IFITM10: variants seen among roughly 807,000 people sequenced by gnomAD.
IFITM10 encodes the protein interferon induced transmembrane protein 10.
A neutral mutation model predicts 19.0 loss-of-function variants in IFITM10; 17 were observed. The ratio of observed to expected loss-of-function variants is 0.90; its 90% CI spans 0.61 to 1.34. The LOEUF is 1.34. IFITM10 is among the 40% of genes most tolerant of loss of function. The pLI is 0.00. For missense variants in IFITM10, 306 were observed against 319.8 expected (o/e 0.96, Z 0.33); for synonymous variants, 148 against 147.2 (o/e 1.01, Z -0.04).
intron 2 of IFITM10, chr11:1,746,304 A>G (rs1845648657): frequency 2.8e-6 from 1 of 357,578 alleles, no homozygotes; most frequent in Non-Finnish European, 5.0e-6. Context: ...ACATGTACAC[A>G]CATGCAAATA....
intron 1 of IFITM10, chr11:1,748,996 C>T (rs1217639790): frequency 3.9e-6 from 4 of 1,034,442 alleles, no homozygotes; most frequent in African/African-American, 1.7e-5. Flanking sequence ...CCGCAGCCCC[C>T]CGGACGGCGC....
chr11:1,748,960 G>GCAGCCCC (rs1358265337), intron 1 of IFITM10: 1 of 843,484 alleles, frequency 1.2e-6, no homozygotes. Flanking sequence ...CCGAGGCTCT[G>GCAGCCCC]CAGCCCCCAG....
chr11:1,735,274 C>T lies in IFITM10; in HGVS notation c.*6G>A, dbSNP rs551291789. On this transcript the variant is annotated 3_prime_UTR_variant, in exon 3 of 3. Coordinates refer to ENST00000340134, the MANE Select transcript of IFITM10 (RefSeq NM_001170820.4). ...TGTCTCCGCCAGCAGCCGTGCCTGG[C>T]GGGCCTTAGTAGTCGGTGAGGGGGT... The T allele has an allele frequency of 7.7e-6, 12 of 1,551,252 alleles. No individual in the cohort carries two copies. The highest frequency in any genetic ancestry group is 2.4e-5 in the South Asian group (2 of 84,022).
At chr11:1,747,113 C>G (rs921548148) in intron 2 of IFITM10, among the ~76,000 whole-genome samples, 4 of 152,122 alleles carry the variant, frequency 2.6e-5, no homozygotes, top group Admixed American at 2.0e-4. Flanking sequence ...CTGTTTACAC[C>G]CCTCTTCCCT....
chr11:1,735,460 A>C, intron 2 of IFITM10, 31 bp from the exon 3 acceptor site: 3 of 1,546,836 alleles, frequency 1.9e-6, no homozygotes, highest in Non-Finnish European at 8.7e-7. Context: ...GGAAATGGGC[A>C]GTCAGCCAGG....
chr11:1,750,123 T>C (rs1203246027), intron 1 of IFITM10, among the ~76,000 whole-genome samples: 1 of 152,104 alleles, frequency 6.6e-6, no homozygotes, highest in African/African-American at 2.4e-5. Flanking sequence ...CCCCTGAGGA[T>C]ACTTTGTTCC....
At chr11:1,746,378 ACT>A (rs1282748177) in intron 2 of IFITM10, 27 of 395,256 alleles carry the variant, frequency 6.8e-5, no homozygotes, top group Middle Eastern at 6.3e-4. Flanking sequence ...ATATGTACAC[ACT>A]CATGCACACA....
At chr11:1,735,975 C>T (rs373799237) in intron 2 of IFITM10, among the ~76,000 whole-genome samples, 8 of 152,140 alleles carry the variant, frequency 5.3e-5, no homozygotes, top group South Asian at 2.1e-4. Context: ...AATATTAAGG[C>T]GAAAGGAGTG....
At chr11:1,749,818 GTTCC>G (rs1845697027) in intron 1 of IFITM10, among the ~76,000 whole-genome samples, 1 of 151,964 alleles carries the variant, frequency 6.6e-6, no homozygotes, top group Non-Finnish European at 1.5e-5. Context: ...CCCCTACTCT[GTTCC>G]TTCCTGGCTG....
intron 1 of IFITM10, chr11:1,749,092 T>C (rs1023417667): frequency 5.8e-5 from 66 of 1,144,520 alleles, no homozygotes; most frequent in Non-Finnish European, 7.0e-5. Flanking sequence ...CGCGGGCCGC[T>C]GTCTGTCCAC....
chr11:1,747,992 T>C lies in IFITM10; in HGVS notation c.212A>G (p.Lys71Arg). ...CTTGGACACGCAAGCGAAGCAGCCC[T>C]TGGGCGAACCTGCCGGGGGCCTCGG... ...WIPRPPAGSP[K>R]GCFACVSKPP... The change falls in exon 2 of 3, where the codon AAG becomes AGG. Residue 71 changes from lysine (K) to arginine (R), a missense_variant. By Grantham distance (26) the Lys-to-Arg change is conservative. Coordinates refer to ENST00000340134, the MANE Select transcript of IFITM10 (RefSeq NM_001170820.4). 6.9e-7 allele frequency: 1 copy of C among 1,446,122 alleles called. No homozygotes were observed. The highest frequency in any genetic ancestry group is 9.1e-7 in the Non-Finnish European group (1 of 1,100,602). The allele number at this position is 1,446,122 out of a possible 1,614,324, so 89.6% of individuals were successfully genotyped here. A position where few individuals can be genotyped will look rare whatever the true frequency, so the allele number is the denominator to read the frequency against.
intron 1 of IFITM10, chr11:1,749,189 G>T: frequency 1.4e-6 from 1 of 739,156 alleles, no homozygotes; most frequent in Non-Finnish European, 1.7e-6. Context: ...CGCCGCCTGC[G>T]CTCCCTCCGC....
chr11:1,737,207 TAGTC>T (rs1283357551), intron 2 of IFITM10, among the ~76,000 whole-genome samples: 2 of 106,418 alleles, frequency 1.9e-5, no homozygotes, highest in African/African-American at 2.7e-5. Flanking sequence ...TTGTTAGACT[TAGTC>T]TTAGTCTATT....
intron 1 of IFITM10, chr11:1,748,326 G>C (rs1845676737): frequency 4.8e-6 from 2 of 419,960 alleles, no homozygotes; most frequent in South Asian, 9.6e-5. Flanking sequence ...CCTTGGCAGG[G>C]ACCTGGGGCT....
intron 2 of IFITM10, among the ~76,000 whole-genome samples, chr11:1,741,357 A>G (rs146573191): frequency 1.3e-5 from 2 of 151,862 alleles, no homozygotes; most frequent in East Asian, 3.9e-4. Context: ...GAATGGGCTG[A>G]AAAGTACAAG....
chr11:1,735,402 G>C lies in IFITM10; in HGVS notation c.565C>G (p.Leu189Val). The C allele has an allele frequency of 6.4e-7, 1 of 1,551,638 alleles. No homozygotes were observed. The highest frequency in any genetic ancestry group is 1.4e-5 in the African/African-American group (1 of 73,160). ...TTTGCATCCTCCACGGCTCCATTCAGGTCATTGAGAAGCTTCTTGTCTCGC... is the reference window on the plus strand; with the variant it reads ...TTTGCATCCTCCACGGCTCCATTCACGTCATTGAGAAGCTTCTTGTCTCGC... Reference protein sequence around the residue: ...KVRDKKLLNDLNGAVEDAKTA... With the variant: ...KVRDKKLLNDVNGAVEDAKTA... Residue 189 changes from leucine (L) to valine (V), a missense_variant, in exon 3 of 3, where the codon CTG becomes GTG. Leu to Val is a conservative substitution (Grantham distance 32). Coordinates refer to ENST00000340134, the MANE Select transcript of IFITM10 (RefSeq NM_001170820.4).
intron 2 of IFITM10, chr11:1,746,708 C>G (rs1381433198): frequency 5.0e-6 from 2 of 398,650 alleles, no homozygotes; most frequent in East Asian, 3.6e-5. Context: ...TCTGCCCAGC[C>G]TCTTCTCTCC....
At chr11:1,736,448 C>G (rs1333660487) in intron 2 of IFITM10, among the ~76,000 whole-genome samples, 3 of 151,106 alleles carry the variant, frequency 2.0e-5, no homozygotes, top group Non-Finnish European at 4.4e-5. Context: ...AGGCAGAATA[C>G]TGGAAAGAAC....
intron 2 of IFITM10, among the ~76,000 whole-genome samples, chr11:1,736,487 G>C (rs539092552): frequency 6.6e-6 from 1 of 152,140 alleles, no homozygotes. Flanking sequence ...AAAGAAGATA[G>C]AGGGAGTGGG....
Sources: gnomAD v4.1 joint callset for allele counts (sites outside exome capture counted in the v4.1 genomes callset) on GRCh38, gnomAD v4.1.1 for gene constraint, MANE v1.5 for transcripts, NCBI Gene and HGNC (gene_info 2026-07-23, HGNC 2026-07-21) for gene names.